Variants in CANT1 observed in about 807,000 individuals in gnomAD.
The protein encoded by CANT1 is calcium activated nucleotidase 1, also known as soluble calcium-activated nucleotidase 1.
Under a neutral mutation model 30.0 loss-of-function variants are expected in CANT1, and 26 were observed. That is an observed-to-expected ratio of 0.87 (90% CI 0.64 to 1.20). The LOEUF (loss-of-function observed/expected upper bound fraction) is 1.20. Among genes scored for constraint, CANT1 ranks in the 50% most tolerant of loss-of-function variants. The probability of loss-of-function intolerance (pLI) is 0.00; values close to 1 mark genes in which losing one functional copy is unlikely to be tolerated. For missense variants in CANT1, 518 were observed against 563.0 expected (o/e 0.92, Z 0.81); for synonymous variants, 246 against 251.8 (o/e 0.98, Z 0.22).
chr17:79,000,466 C>A (rs1304319241), intron 1 of CANT1, among the ~76,000 whole-genome samples: 1 of 149,822 alleles, frequency 6.7e-6, no homozygotes, highest in African/African-American at 2.5e-5. Context: ...CACTCCCATA[C>A]CCCCCGCCAT....
At chr17:79,007,765 T>C (rs2071602333) in intron 1 of CANT1, among the ~76,000 whole-genome samples, 1 of 152,200 alleles carries the variant, frequency 6.6e-6, no homozygotes, top group Non-Finnish European at 1.5e-5. Flanking sequence ...CAAGAGCTTT[T>C]ACACCAACAC....
At chr17:79,005,114 A>AGG in intron 1 of CANT1, among the ~76,000 whole-genome samples, 1 of 34,366 alleles carries the variant, frequency 2.9e-5, no homozygotes, top group African/African-American at 3.1e-4. Flanking sequence ...GGTTAGGGAG[A>AGG]AGGGAGTTAG....
chr17:78,993,116 T>C lies in CANT1; in HGVS notation c.*434A>G. On this transcript the variant is annotated 3_prime_UTR_variant, in exon 5 of 5. Coordinates refer to ENST00000392446, the MANE Select transcript of CANT1 (RefSeq NM_001159773.2). This position sits in a 1 kb window ranked among gnomAD's most constrained non-coding sequence, Gnocchi z 4.5. ...TGGACATGATGCTCCAGGCACAGAG[T>C]AGGAAGAAAAGGGGGTGACCTGGGG... is the stretch of plus-strand genomic sequence containing the variant. 2.9e-6 allele frequency: 1 copy of C among 341,286 alleles called. No homozygotes were observed. The highest frequency in any genetic ancestry group is 5.5e-6 in the Non-Finnish European group (1 of 182,256). 21.1% of individuals were successfully genotyped at this position (341,286 alleles called of 1,614,324 possible).
chr17:78,999,580 A>G (rs1286153558), intron 1 of CANT1, among the ~76,000 whole-genome samples: 1 of 149,766 alleles, frequency 6.7e-6, no homozygotes, highest in African/African-American at 2.5e-5. Context: ...GGCTCAAGCG[A>G]TCCTCCCACC....
At chr17:78,999,725 C>T (rs895268936) in intron 1 of CANT1, among the ~76,000 whole-genome samples, 2 of 146,576 alleles carry the variant, frequency 1.4e-5, no homozygotes, top group Admixed American at 1.4e-4. Flanking sequence ...ACGATCTCGG[C>T]TCACTGCAAC....
Position 78,993,789 on chromosome 17 carries a change from C to T in CANT1, c.967G>A (p.Ala323Thr), listed in dbSNP as rs9903215. The change falls in exon 5 of 5, where the codon GCC (alanine) becomes ACC (threonine). Residue 323 changes from alanine to threonine, a missense_variant. Physicochemically the swap from Ala to Thr is moderately conservative, Grantham distance 58. This residue lies in a region of CANT1 where 221 missense variants were observed against 211.8 expected (regional missense o/e 1.04). Transcript: ENST00000392446. The surrounding 1 kb of genome is among the most constrained non-coding windows in gnomAD (Gnocchi z 4.5). ...ERKGANLLLS[A>T]SPDFGDIAVS... ...GCGATGTCGCCGAAGTCAGGGGAGG[C>T]GCTCAGCAGCAGGTTGGCGCCCTTG... The T allele has an allele frequency of 1.9e-3, 3,137 of 1,611,790 alleles. 50 individuals are homozygous for T. In the African/African-American group the frequency reaches 0.035, roughly 18 times the overall value.
chr17:78,993,387 G>C lies in CANT1; in HGVS notation c.*163C>G, dbSNP rs529224814. 1.5e-5 allele frequency: 15 copies of C among 1,006,316 alleles called. No individual in the cohort carries two copies. Among genetic ancestry groups the C allele is most frequent in the Middle Eastern group, 6.2e-4 (2 of 3,212 alleles). The allele number at this position is 1,006,316 out of a possible 1,614,324, so 62.3% of individuals were successfully genotyped here. A position where few individuals can be genotyped will look rare whatever the true frequency, so the allele number is the denominator to read the frequency against. The stretch of plus-strand genomic sequence containing the variant: ...CAGACCGCGGCCTCCGTGGGGCCCG[G>C]GGGTCCAGTGCCCGCACCACTATGG... On this transcript the variant is annotated 3_prime_UTR_variant, in exon 5 of 5. Coordinates refer to ENST00000392446, the MANE Select transcript of CANT1 (RefSeq NM_001159773.2). This position sits in a 1 kb window ranked among gnomAD's most constrained non-coding sequence, Gnocchi z 4.5.
chr17:79,000,735 G>A (rs1599235140), intron 1 of CANT1, among the ~76,000 whole-genome samples: 1 of 152,204 alleles, frequency 6.6e-6, no homozygotes, highest in Non-Finnish European at 1.5e-5. Flanking sequence ...GAACAGTCGG[G>A]CCTGCTCTTC....
At position 78,997,027 on chromosome 17, in the gene CANT1, AC is replaced by A. The variant is rs2071057893; in HGVS notation, c.595del (p.Val199Ter). 1.2e-6 allele frequency: 2 copies of A among 1,614,050 alleles called. No individual in the cohort carries two copies. The highest frequency in any genetic ancestry group is 1.7e-5 in the Admixed American group (1 of 60,022). On this transcript the variant is annotated frameshift_variant, in exon 3 of 5. Coordinates refer to ENST00000392446, the MANE Select transcript of CANT1 (RefSeq NM_001159773.2). LOFTEE classifies it high-confidence loss of function. The surrounding 1 kb of genome is among the most constrained non-coding windows in gnomAD (Gnocchi z 7.5). ...QIEGSKAVPW[V>X]ILSDGDGTVE... ...GGTGCCGTCGCCGTCGGACAGAATC[AC>A]CCAGGGCACGGCTTTGCTGCCTTCG...
rs144060377 is a variant in CANT1 at position 78,997,567 on chromosome 17, C to T, written c.56G>A (p.Arg19Gln). The change falls in exon 3 of 5, where the codon CGG becomes CAG. Residue 19 changes from arginine to glutamine, a missense_variant. Arg to Gln is a conservative substitution (Grantham distance 43). Around this residue, in one of 3 missense-constraint regions of CANT1, gnomAD observed 249 missense variants for 268.8 expected, o/e 0.93. Transcript: ENST00000392446. The surrounding 1 kb of genome is among the most constrained non-coding windows in gnomAD (Gnocchi z 7.5). The stretch of plus-strand genomic sequence containing the variant: ...CACAGGAAGGCCCCCCACACTGATC[C>T]GGAGGGAGTGCATAGACTCATTCCA... ...PEWNESMHSL[R>Q]ISVGGLPVLA... 2.2e-3 allele frequency: 3,440 copies of T among 1,562,990 alleles called. 8 individuals carry two copies. Among genetic ancestry groups the T allele is most frequent in the Non-Finnish European group, 2.8e-3 (3,234 of 1,154,442 alleles).
At position 78,992,816 on chromosome 17, in the gene CANT1, T is replaced by C. The variant is rs2070885056; in HGVS notation, c.*734A>G. On this transcript the variant is annotated 3_prime_UTR_variant, in exon 5 of 5. Coordinates refer to ENST00000392446, the MANE Select transcript of CANT1 (RefSeq NM_001159773.2). Reference sequence around the variant, plus strand: ...TGCTCTGTGTGATAAGATTTGGTGATTCCACTTTATAAGAAAGGAAACTGC... The same window carrying C: ...TGCTCTGTGTGATAAGATTTGGTGACTCCACTTTATAAGAAAGGAAACTGC... The C allele has an allele frequency of 9.3e-6, 4 of 429,398 alleles. No homozygotes were observed. Among genetic ancestry groups the C allele is most frequent in the Middle Eastern group, 3.2e-4 (1 of 3,102 alleles). 26.6% of individuals were successfully genotyped at this position (429,398 alleles called of 1,614,324 possible).
rs1377111993 is a variant in CANT1, at chr17:78,997,316, T to TC, written c.306dup (p.Ile103AspfsTer80). On this transcript the variant is annotated frameshift_variant, in exon 3 of 5. Coordinates refer to ENST00000392446, the MANE Select transcript of CANT1 (RefSeq NM_001159773.2). LOFTEE classifies it high-confidence loss of function. This position sits in a 1 kb window ranked among gnomAD's most constrained non-coding sequence, Gnocchi z 7.5. Reference sequence around the variant, plus strand: ...GCGATAACTGCGATTCGATACCGAATCCCAGCCGGTGTCCTTTGTGGGGGA... The same window carrying TC: ...GCGATAACTGCGATTCGATACCGAATCCCCAGCCGGTGTCCTTTGTGGGGGA... The TC allele has an allele frequency of 6.2e-7, 1 of 1,614,072 alleles. No homozygotes were observed.
rs1243415905 is a variant in CANT1 at position 78,992,321 on chromosome 17, G to C, written c.*1229C>G. On this transcript the variant is annotated 3_prime_UTR_variant, in exon 5 of 5. Transcript: ENST00000392446. ...CTGACGATCGCGGGGTGGGGTAGGAGTGAGGGTGGGGGTCGGGGTGAGGTA... is the reference window on the plus strand; with the variant it reads ...CTGACGATCGCGGGGTGGGGTAGGACTGAGGGTGGGGGTCGGGGTGAGGTA... 2 of 240,074 alleles carry C rather than the reference G, an allele frequency of 8.3e-6. No homozygotes were observed. The highest frequency in any genetic ancestry group is 4.4e-5 in the African/African-American group (2 of 45,438). The allele number at this position is 240,074 out of a possible 1,614,324, so 14.9% of individuals were successfully genotyped here.
intron 1 of CANT1, among the ~76,000 whole-genome samples, chr17:79,003,050 C>T (rs544239652): frequency 6.6e-6 from 1 of 152,210 alleles, no homozygotes; most frequent in African/African-American, 2.4e-5. Flanking sequence ...GCCTTTCCTC[C>T]AGGAGCTCAG....
Position 78,995,322 on chromosome 17 carries a change from G to A in CANT1, c.632-101C>T, listed in dbSNP as rs1186227443. The A allele has an allele frequency of 4.7e-6, 6 of 1,279,286 alleles. No individual in the cohort carries two copies. The African/African-American group carries it at 5.9e-5, about 13-fold the overall frequency. The allele number at this position is 1,279,286 out of a possible 1,614,324, so 79.2% of individuals were successfully genotyped here. On this transcript the variant is annotated intron_variant, in intron 3 of 4. Coordinates refer to ENST00000392446, the MANE Select transcript of CANT1 (RefSeq NM_001159773.2). The surrounding 1 kb of genome is among the most constrained non-coding windows in gnomAD (Gnocchi z 5.7). ...GCACCTGTCCTTAGACCCCGCACCT[G>A]ACTCCCGCCCGGCTCCACACCTGCC...
intron 1 of CANT1, among the ~76,000 whole-genome samples, chr17:79,000,771 G>A (rs185113498): frequency 3.3e-4 from 51 of 152,276 alleles, no homozygotes; most frequent in Non-Finnish European, 5.1e-4. Context: ...TCTCTCCTAC[G>A]GGGCATCAGC....
At position 78,992,135 on chromosome 17, in the gene CANT1, CA is replaced by C. The variant is rs1437643519; in HGVS notation, c.*1414del. 1.3e-5 allele frequency: 3 copies of C among 232,232 alleles called. No individual in the cohort carries two copies. Among genetic ancestry groups the C allele is most frequent in the Non-Finnish European group, 2.6e-5 (3 of 117,530 alleles). 14.4% of individuals were successfully genotyped at this position (232,232 alleles called of 1,614,324 possible). ...CAGCGTTCACTTCCTTCGCTTCCTC[CA>C]CTACCTATGACATAGCGGGGGAAAG... On this transcript the variant is annotated 3_prime_UTR_variant, in exon 5 of 5. Coordinates refer to ENST00000392446, the MANE Select transcript of CANT1 (RefSeq NM_001159773.2).
At chr17:78,994,781 G>T (rs750120477) in intron 4 of CANT1, among the ~76,000 whole-genome samples, 1 of 152,206 alleles carries the variant, frequency 6.6e-6, no homozygotes, top group Non-Finnish European at 1.5e-5. Context: ...TTAGCTGGGC[G>T]TGGTGGTGCA....
At chr17:79,009,585 G>C (rs866326136) in intron 1 of CANT1, 79 bp downstream of exon 1, 1 of 152,790 alleles carries the variant, frequency 6.5e-6, no homozygotes, top group Non-Finnish European at 1.5e-5. Flanking sequence ...AGGGTCGGAG[G>C]GCGGCGGCAG....
Sources: allele counts gnomAD v4.1 joint callset (sites outside exome capture counted in the v4.1 genomes callset), GRCh38; gene constraint gnomAD v4.1.1; regional missense constraint gnomAD v4.1.1; non-coding constraint Gnocchi (gnomAD v3.1); transcripts MANE v1.5; gene names NCBI Gene and HGNC (gene_info 2026-07-23, HGNC 2026-07-21).